The following TNPO2 variants were observed in gnomAD, a reference collection of about 807,000 sequenced individuals.
TNPO2 encodes the protein transportin-2.
In TNPO2, 16 loss-of-function variants were observed where a neutral mutation model predicts 111.1. The observed-to-expected ratio is 0.14, with a 90% CI of 0.10 to 0.22. The LOEUF (loss-of-function observed/expected upper bound fraction) is 0.22, where lower values mean the gene tolerates loss of function less well. Ranked by LOEUF, TNPO2 falls within the 10% of genes least tolerant of loss-of-function variation. The probability of loss-of-function intolerance (pLI) is 1.00; values close to 1 mark genes in which losing one functional copy is unlikely to be tolerated. For synonymous variants in TNPO2, 481 were observed against 475.8 expected (o/e 1.01, Z -0.14); for missense variants, 530 against 1,173.7 (o/e 0.45, Z 8.01).
chr19:12,706,969 A>T lies in TNPO2; in HGVS notation c.1271-174T>A, dbSNP rs1416149619. Among the ~76,000 whole-genome samples, 2 of 152,168 alleles carry T rather than the reference A, an allele frequency of 1.3e-5. No individual in the cohort carries two copies. Among genetic ancestry groups the T allele is most frequent in the African/African-American group, 4.8e-5 (2 of 41,434 alleles). ...TAAAGGCAGGCACAGGAGGGGAAAC[A>T]ACAGAAGCCTCTCATCCCAAAGCCC... On this transcript the variant is annotated intron_variant, in intron 13 of 25. Coordinates refer to ENST00000425528, the MANE Select transcript of TNPO2 (RefSeq NM_001382241.1). The surrounding 1 kb of genome is among the most constrained non-coding windows in gnomAD (Gnocchi z 7.0).
Position 12,703,644 on chromosome 19 carries a change from C to G in TNPO2, c.2110+70G>C. 3.2e-6 allele frequency: 5 copies of G among 1,581,830 alleles called. No individual in the cohort carries two copies. In the Admixed American group the frequency reaches 8.6e-5, roughly 27 times the overall value. On this transcript the variant is annotated intron_variant, in intron 19 of 25. Coordinates refer to ENST00000425528, the MANE Select transcript of TNPO2 (RefSeq NM_001382241.1). ...CATCCCAATGTGGTCACAGTCATCC[C>G]CGGGTATTGCTCTCCATCACTTGAG...
In TNPO2 at chr19:12,705,107, G is replaced by A. The variant is rs2025562251; in HGVS notation, c.2022+133C>T. ...TCAAGCAATCCTGCCTCGGCCTCCA[G>A]GATTACTCTTTAAAATAATTAGAAC... On this transcript the variant is annotated intron_variant, in intron 18 of 25. Transcript: ENST00000425528. The surrounding 1 kb of genome is among the most constrained non-coding windows in gnomAD (Gnocchi z 7.2). 1.0e-6 allele frequency: 1 copy of A among 986,218 alleles called. No individual in the cohort carries two copies. The highest frequency in any genetic ancestry group is 1.5e-6 in the Non-Finnish European group (1 of 672,640). 61.1% of individuals were successfully genotyped at this position (986,218 alleles called of 1,614,324 possible).
chr19:12,721,432 C>T lies in TNPO2; in HGVS notation c.-13-442G>A. The T allele has an allele frequency of 1.7e-6, 1 of 593,528 alleles. No homozygotes were observed. The highest frequency in any genetic ancestry group is 2.8e-6 in the Non-Finnish European group (1 of 357,794). 36.8% of individuals were successfully genotyped at this position (593,528 alleles called of 1,614,324 possible). ...CCCCGTGGTCTCTTCTATGCAGGCA[C>T]AGTCCCTGAAGAGTCCCCTTCCCCC... On this transcript the variant is annotated intron_variant, in intron 2 of 25. Coordinates refer to ENST00000425528, the MANE Select transcript of TNPO2 (RefSeq NM_001382241.1). This position sits in a 1 kb window ranked among gnomAD's most constrained non-coding sequence, Gnocchi z 4.9.
chr19:12,701,559 T>C lies in TNPO2; in HGVS notation c.2586+39A>G. ...GTTACCAGATGGTCTCACCCCTGCC[T>C]GCTCCCGGAACTAGATCAGGGCCCA... On this transcript the variant is annotated intron_variant, in intron 24 of 25. Transcript: ENST00000425528. This position sits in a 1 kb window ranked among gnomAD's most constrained non-coding sequence, Gnocchi z 5.0. 6.2e-7 allele frequency: 1 copy of C among 1,611,380 alleles called. No homozygotes were observed. Among genetic ancestry groups the C allele is most frequent in the Non-Finnish European group, 8.5e-7 (1 of 1,177,686 alleles).
rs147445345 is a variant in TNPO2 at position 12,707,042 on chromosome 19, A to T, written c.1271-247T>A. Among the ~76,000 whole-genome samples, 440 of 152,256 alleles carry T rather than the reference A, an allele frequency of 2.9e-3. 1 individual carries two copies. The highest frequency in any genetic ancestry group is 0.01 in the Middle Eastern group (3 of 294). On this transcript the variant is annotated intron_variant, in intron 13 of 25. Coordinates refer to ENST00000425528, the MANE Select transcript of TNPO2 (RefSeq NM_001382241.1). ...GAGGCAGAGTCTCGCTCTGTCGCCC[A>T]GGCTGGGGCGCAGTGGTACGATCAT...
In TNPO2 at chr19:12,702,176, A is replaced by G; in HGVS notation, c.2307T>C (p.Gly769=). The change falls in exon 22 of 26, where the codon GGT becomes GGC. Residue 769 remains glycine, a splice_region_variant and synonymous_variant. Coordinates refer to ENST00000425528, the MANE Select transcript of TNPO2 (RefSeq NM_001382241.1). This position sits in a 1 kb window ranked among gnomAD's most constrained non-coding sequence, Gnocchi z 5.5. The part of the protein sequence containing the change: ...NTPKTLLENT[G]RLTSPSAIPA... Reference sequence around the variant, plus strand: ...GAATGGCAGAGGGACTCGTCAGGCGACCTGCAACCCCGAGCGGCCCCGGGA... The same window carrying G: ...GAATGGCAGAGGGACTCGTCAGGCGGCCTGCAACCCCGAGCGGCCCCGGGA... 1 of 1,612,724 alleles carries G rather than the reference A, an allele frequency of 6.2e-7. No homozygotes were observed. Among genetic ancestry groups the G allele is most frequent in the Non-Finnish European group, 8.5e-7 (1 of 1,179,604 alleles).
intron 10 of TNPO2, among the ~76,000 whole-genome samples, chr19:12,712,152 G>A (rs2026093338): frequency 3.3e-5 from 5 of 152,154 alleles, no homozygotes; most frequent in Admixed American, 3.3e-4. Context: ...ACATAGTGAG[G>A]TGTGACCAGA....
intron 10 of TNPO2, among the ~76,000 whole-genome samples, 198 bp from the exon 11 acceptor site, chr19:12,711,811 G>A (rs749327662): frequency 2.0e-5 from 3 of 151,752 alleles, no homozygotes; most frequent in Admixed American, 6.6e-5. Flanking sequence ...TCGGAATCTA[G>A]TCTCTGCCGC....
intron 20 of TNPO2, 94 bp from the exon 21 acceptor site, chr19:12,703,012 A>T (rs763227044): frequency 5.4e-6 from 6 of 1,103,154 alleles, no homozygotes; most frequent in Admixed American, 2.0e-5. Flanking sequence ...CCCCAGTTCC[A>T]ACTAGAGACT....
intron 5 of TNPO2, among the ~76,000 whole-genome samples, chr19:12,717,052 G>A (rs1276127331): frequency 6.6e-6 from 1 of 152,030 alleles, no homozygotes; most frequent in Non-Finnish European, 1.5e-5. Flanking sequence ...TCTGTTAAGT[G>A]CAGAGATGGT....
intron 3 of TNPO2, 49 bp downstream of exon 3, chr19:12,720,830 C>G (rs1201460384): frequency 6.5e-7 from 1 of 1,540,240 alleles, no homozygotes; most frequent in Non-Finnish European, 8.7e-7. Context: ...CCTTTGGAAA[C>G]TGCACGCATC....
chr19:12,722,561 T>TAAAAAAAAAAAAAAAAAAAA, intron 2 of TNPO2: 1 of 40,898 alleles, frequency 2.4e-5, no homozygotes, highest in Non-Finnish European at 4.9e-5. Context: ...GAGAGAGAAT[T>TAAAAAAAAAAAAAAAAAAAA]AAAAAAAAAA....
chr19:12,702,013 G>A lies in TNPO2; in HGVS notation c.2411+59C>T, dbSNP rs2025340967. 8.4e-6 allele frequency: 13 copies of A among 1,543,198 alleles called. No individual in the cohort carries two copies. Among genetic ancestry groups the A allele is most frequent in the African/African-American group, 4.1e-5 (3 of 73,480 alleles). ...GATGGGGCTGGAAATGCACAGGCGA[G>A]GGAGGGGGTTGGGCCAGTCCCGCCC... On this transcript the variant is annotated intron_variant, in intron 22 of 25. Transcript: ENST00000425528. This position sits in a 1 kb window ranked among gnomAD's most constrained non-coding sequence, Gnocchi z 5.5.
At position 12,721,057 on chromosome 19, in the gene TNPO2, C is replaced by T; in HGVS notation, c.-13-67G>A. 6.5e-7 allele frequency: 1 copy of T among 1,533,294 alleles called. No individual in the cohort carries two copies. The highest frequency in any genetic ancestry group is 8.7e-7 in the Non-Finnish European group (1 of 1,145,318). 95.0% of individuals were successfully genotyped at this position (1,533,294 alleles called of 1,614,324 possible). A position where few individuals can be genotyped will look rare whatever the true frequency, so the allele number is the denominator to read the frequency against. On this transcript the variant is annotated intron_variant, in intron 2 of 25. Coordinates refer to ENST00000425528, the MANE Select transcript of TNPO2 (RefSeq NM_001382241.1). This position sits in a 1 kb window ranked among gnomAD's most constrained non-coding sequence, Gnocchi z 4.9. ...CTCCGTGTGAGACCCAGGTGGAGCC[C>T]CTGAGGCCGCGGTGGCCGCATGACG... is the stretch of plus-strand genomic sequence containing the variant.
Position 12,720,882 on chromosome 19 carries a change from C to T in TNPO2, c.96G>A (p.Gln32=). ...CCCCGGAAGGAAGGAAGGATACATC[C>T]TGCACGATGCGCTGAGTGGCTGTGT... ...SPNTATQRIV[Q]DKLKQLNQFP... Residue 32 remains glutamine, a synonymous_variant, in exon 3 of 26, where the codon CAG becomes CAA. Coordinates refer to ENST00000425528, the MANE Select transcript of TNPO2 (RefSeq NM_001382241.1). 6.9e-6 allele frequency: 11 copies of T among 1,599,850 alleles called. No homozygotes were observed. Among genetic ancestry groups the T allele is most frequent in the South Asian group, 1.1e-5 (1 of 88,736 alleles).
At chr19:12,712,051 C>A (rs538281661) in intron 10 of TNPO2, among the ~76,000 whole-genome samples, 1 of 152,146 alleles carries the variant, frequency 6.6e-6, no homozygotes, top group South Asian at 2.1e-4. Flanking sequence ...TAGTTTGTAG[C>A]AATTACTTTT....
In TNPO2 at chr19:12,706,382, G is replaced by A. The variant is rs2025664822; in HGVS notation, c.1497-15C>T. On this transcript the variant is annotated splice_polypyrimidine_tract_variant and intron_variant, in intron 14 of 25. Transcript: ENST00000425528. This position sits in a 1 kb window ranked among gnomAD's most constrained non-coding sequence, Gnocchi z 7.0. The stretch of plus-strand genomic sequence containing the variant: ...TGGCAAAAGCACTGGTGGGAGGGAG[G>A]ATGAAGCGGGGGCTCAGTGGACCAT... 6.2e-7 allele frequency: 1 copy of A among 1,613,922 alleles called. No individual in the cohort carries two copies. Among genetic ancestry groups the A allele is most frequent in the Non-Finnish European group, 8.5e-7 (1 of 1,180,024 alleles).
At position 12,714,724 on chromosome 19, in the gene TNPO2, T is replaced by G. The variant is rs1391298014; in HGVS notation, c.890+97A>C. The G allele has an allele frequency of 1.2e-5, 11 of 938,354 alleles. No individual in the cohort carries two copies. In the African/African-American group the frequency reaches 1.8e-4, roughly 15 times the overall value. 58.1% of individuals were successfully genotyped at this position (938,354 alleles called of 1,614,324 possible). ...TACTGAATGTAAACTGACAAGGATG[T>G]GGACTGAGAGAAGCACAGCAGGTGA... On this transcript the variant is annotated intron_variant, in intron 10 of 25. Transcript: ENST00000425528.
At chr19:12,711,665 G>T in intron 10 of TNPO2, 52 bp from the exon 11 acceptor site, 4 of 1,555,898 alleles carry the variant, frequency 2.6e-6, no homozygotes, top group Admixed American at 1.8e-5. Flanking sequence ...GCAAAAGTTG[G>T]GGGGAGGCAC....
Sources: gnomAD v4.1 joint callset for allele counts (sites outside exome capture counted in the v4.1 genomes callset) on GRCh38, gnomAD v4.1.1 for gene constraint, Gnocchi (gnomAD v3.1) non-coding constraint, MANE v1.5 for transcripts, NCBI Gene and HGNC (gene_info 2026-07-23, HGNC 2026-07-21) for gene names.